The following MCCC1 variants were observed in gnomAD, a reference collection of about 807,000 sequenced individuals.
MCCC1 encodes the protein methylcrotonyl-CoA carboxylase subunit 1.
MCCC1 carries 64 observed loss-of-function variants against 83.8 expected under a neutral mutation model. That is an observed-to-expected ratio of 0.76 (90% CI 0.62 to 0.94). The LOEUF is 0.94. Among genes scored for constraint, MCCC1 ranks in the 40% least tolerant of loss-of-function variants. The probability of loss-of-function intolerance (pLI) is 0.00; values close to 1 mark genes in which losing one functional copy is unlikely to be tolerated. For missense variants in MCCC1, 807 were observed against 904.7 expected (o/e 0.89, Z 1.39); for synonymous variants, 322 against 315.4 (o/e 1.02, Z -0.22).
chr3:183,039,644 T>C lies in MCCC1; in HGVS notation c.1268-509A>G, dbSNP rs914455684. Among the ~76,000 whole-genome samples the C allele has an allele frequency of 2.6e-5, 4 of 152,298 alleles. 1 individual carries two copies. The South Asian group carries it at 8.3e-4, about 32-fold the overall frequency. On this transcript the variant is annotated intron_variant, in intron 11 of 18. Transcript: ENST00000265594. ...ATGGCAGCTATCATCACTGGGATGG[T>C]TACAGTCCTAGAGAACAAGAATCTG... is the stretch of plus-strand genomic sequence containing the variant.
At chr3:183,023,460 A>C (rs189751053) in intron 15 of MCCC1, among the ~76,000 whole-genome samples, 1 of 152,356 alleles carries the variant, frequency 6.6e-6, no homozygotes, top group Admixed American at 6.5e-5. Context: ...AGTTTTGTTT[A>C]AAGATTCACG....
At chr3:183,097,744 T>C (rs528711499) in intron 1 of MCCC1, among the ~76,000 whole-genome samples, 2 of 152,116 alleles carry the variant, frequency 1.3e-5, no homozygotes, top group East Asian at 3.9e-4. Flanking sequence ...ACTCTAACAC[T>C]CTCCAGAGTG....
intron 12 of MCCC1, among the ~76,000 whole-genome samples, chr3:183,038,291 G>T (rs898558692): frequency 6.6e-6 from 1 of 152,186 alleles, no homozygotes; most frequent in Non-Finnish European, 1.5e-5. Context: ...CTGGGAAAGG[G>T]CTCAGAGCAG....
intron 1 of MCCC1, among the ~76,000 whole-genome samples, chr3:183,105,438 T>C (rs985436621): frequency 1.3e-5 from 2 of 152,126 alleles, no homozygotes; most frequent in African/African-American, 4.8e-5. Context: ...TAAAACACAC[T>C]GATGAGTGAA....
At chr3:183,058,730 T>C (rs769270349) in intron 7 of MCCC1, among the ~76,000 whole-genome samples, 2 of 152,168 alleles carry the variant, frequency 1.3e-5, no homozygotes, top group Non-Finnish European at 2.9e-5. Context: ...ATAACTTTTG[T>C]GGAAATAAGG....
upstream of MCCC1, among the ~76,000 whole-genome samples, chr3:183,101,135 G>A (rs531241940): frequency 5.3e-5 from 8 of 152,364 alleles, no homozygotes; most frequent in East Asian, 7.7e-4. Flanking sequence ...GCCTTCCCAC[G>A]GGGCAGGGCT....
intron 17 of MCCC1, 137 bp downstream of exon 17, chr3:183,019,993 T>C (rs1712016157): frequency 4.4e-6 from 3 of 684,282 alleles, no homozygotes; most frequent in Admixed American, 4.6e-5. Context: ...GAATCTGTAA[T>C]AGATCCTCTT....
At chr3:183,112,503 A>G (rs1291247866) in intron 1 of MCCC1, among the ~76,000 whole-genome samples, 1 of 152,190 alleles carries the variant, frequency 6.6e-6, no homozygotes, top group African/African-American at 2.4e-5. Flanking sequence ...CCCTGGTTTA[A>G]AAAACCTTTT....
chr3:183,065,853 C>A (rs1716218697), intron 7 of MCCC1, among the ~76,000 whole-genome samples: 1 of 152,172 alleles, frequency 6.6e-6, no homozygotes, highest in Non-Finnish European at 1.5e-5. Context: ...CTGATCTGCT[C>A]TTTAACAAAA....
chr3:183,030,960 G>A (rs933117459), intron 14 of MCCC1, among the ~76,000 whole-genome samples: 2 of 152,180 alleles, frequency 1.3e-5, no homozygotes, highest in Non-Finnish European at 2.9e-5. Flanking sequence ...TGGCGCGAAT[G>A]CCAACAGATC....
At chr3:183,034,738 CTTTTATGT>C (rs1458655203) in intron 13 of MCCC1, among the ~76,000 whole-genome samples, 1 of 150,162 alleles carries the variant, frequency 6.7e-6, no homozygotes, top group Non-Finnish European at 1.5e-5. Context: ...CTCTTTTACT[CTTTTATGT>C]TTTTATGTTG....
chr3:183,049,888 G>A (rs192068149), intron 9 of MCCC1, among the ~76,000 whole-genome samples: 6 of 152,372 alleles, frequency 3.9e-5, no homozygotes, highest in Admixed American at 1.3e-4. Context: ...GGAGGCCAAG[G>A]TGGGAAGACT....
At chr3:183,072,512 A>G in intron 4 of MCCC1, 25 bp from the exon 5 acceptor site, 1 of 1,612,162 alleles carries the variant, frequency 6.2e-7, no homozygotes, top group Non-Finnish European at 8.5e-7. Context: ...TAAAATAAAA[A>G]ATTTACTCAT....
chr3:183,024,890 G>A (rs1452300296), intron 15 of MCCC1, among the ~76,000 whole-genome samples: 1 of 150,810 alleles, frequency 6.6e-6, no homozygotes, highest in Non-Finnish European at 1.5e-5. Context: ...GAAACAACCC[G>A]AATGTTCATT....
At chr3:183,034,525 G>C (rs1157654942) in intron 13 of MCCC1, among the ~76,000 whole-genome samples, 2 of 145,950 alleles carry the variant, frequency 1.4e-5, no homozygotes, top group East Asian at 4.0e-4. Flanking sequence ...TGTTCTTCTT[G>C]TTAAGTTTAA....
At chr3:183,105,966 A>G (rs558115556) in intron 1 of MCCC1, among the ~76,000 whole-genome samples, 10 of 151,338 alleles carry the variant, frequency 6.6e-5, no homozygotes, top group South Asian at 2.1e-4. Flanking sequence ...GCTGGTGCCT[A>G]TAATCCCAGC....
intron 1 of MCCC1, 54 bp downstream of exon 1, chr3:183,099,298 C>G: frequency 6.5e-7 from 1 of 1,538,868 alleles, no homozygotes; most frequent in East Asian, 2.4e-5. Flanking sequence ...TCACGCGGGT[C>G]CGTGCACCCC....
rs753153818 is a variant in MCCC1 at position 183,034,023 on chromosome 3, G to T, written c.1649C>A (p.Thr550Asn). Residue 550 changes from threonine (T) to asparagine (N), a missense_variant, in exon 14 of 19, where the codon ACC becomes AAC. By Grantham distance (65) the Thr-to-Asn change is moderately conservative. Transcript: ENST00000265594. ...ACCATCTTTAAGAGTCATGTTTCTG[G>T]TATACGAGATATTCAGTCTTCTTCC... ...SSGRRLNISYTRNMTLKDGKN... is the reference protein window; with the variant it reads ...SSGRRLNISYNRNMTLKDGKN... 5 of 1,611,246 alleles carry T rather than the reference G, an allele frequency of 3.1e-6. No individual in the cohort carries two copies. Among genetic ancestry groups the T allele is most frequent in the Non-Finnish European group, 3.4e-6 (4 of 1,178,318 alleles).
At chr3:183,103,571 T>G (rs370444887), upstream of MCCC1, among the ~76,000 whole-genome samples, 15 of 152,218 alleles carry the variant, frequency 9.9e-5, no homozygotes, top group East Asian at 2.5e-3. Flanking sequence ...AACCCTGAGC[T>G]AGACACAGGG....
Sources: allele counts gnomAD v4.1 joint callset (sites outside exome capture counted in the v4.1 genomes callset), GRCh38; gene constraint gnomAD v4.1.1; transcripts MANE v1.5; gene names NCBI Gene and HGNC (gene_info 2026-07-23, HGNC 2026-07-21).